The following ADGRL2 variants were observed in gnomAD, a reference collection of about 807,000 sequenced individuals.
The protein encoded by ADGRL2 is adhesion G protein-coupled receptor L2.
A neutral mutation model predicts 157.4 loss-of-function variants in ADGRL2; 44 were observed. That is an observed-to-expected ratio of 0.28 (90% CI 0.22 to 0.36). The LOEUF is 0.36. ADGRL2 is among the 10% of genes least tolerant of loss of function. The pLI, the probability that ADGRL2 is intolerant of heterozygous loss-of-function variation, is 1.00. For synonymous variants in ADGRL2, 585 were observed against 624.7 expected (o/e 0.94, Z 0.95); for missense variants, 1,510 against 1,768.9 (o/e 0.85, Z 2.63).
chr1:81,532,068 T>C (rs552934395), intron 2 of ADGRL2, among the ~76,000 whole-genome samples: 43 of 152,322 alleles, frequency 2.8e-4, no homozygotes, highest in African/African-American at 1.0e-3. Context: ...ACAAGCTCCA[T>C]GGCTTTAATA....
intron 2 of ADGRL2, among the ~76,000 whole-genome samples, chr1:81,554,322 AC>A (rs1315807508): frequency 6.6e-6 from 1 of 152,052 alleles, no homozygotes; most frequent in Non-Finnish European, 1.5e-5. Flanking sequence ...TCCTGGTTTC[AC>A]CCCAGTCTCA....
At chr1:81,823,149 T>G (rs2091152928) in intron 1 of ADGRL2, among the ~76,000 whole-genome samples, 14 of 152,014 alleles carry the variant, frequency 9.2e-5, no homozygotes, top group Admixed American at 9.2e-4. Context: ...AATTTAACTT[T>G]CTTACACCAA....
intron 3 of ADGRL2, among the ~76,000 whole-genome samples, chr1:81,668,091 A>AT (rs1164182016): frequency 2.0e-5 from 3 of 152,176 alleles, no homozygotes; most frequent in Admixed American, 2.0e-4. Context: ...GTAGCACCTA[A>AT]TTTATTAGCT....
chr1:81,747,701 T>TAG (rs373036221), intron 1 of ADGRL2, among the ~76,000 whole-genome samples: 185 of 147,352 alleles, frequency 1.3e-3, no homozygotes, highest in Admixed American at 6.8e-4. Flanking sequence ...CCTTTAATGT[T>TAG]TGTGTGTGTG....
At chr1:81,666,148 T>G (rs186352829) in intron 3 of ADGRL2, among the ~76,000 whole-genome samples, 6 of 152,326 alleles carry the variant, frequency 3.9e-5, no homozygotes, top group Admixed American at 2.6e-4. Context: ...AAGGAAATGC[T>G]ACTGCATGTC....
chr1:81,464,492 A>ACTTC (rs1388615565), intron 2 of ADGRL2, among the ~76,000 whole-genome samples: 1 of 152,156 alleles, frequency 6.6e-6, no homozygotes, highest in Non-Finnish European at 1.5e-5. Flanking sequence ...TTATTAATGA[A>ACTTC]CTTCCAGTCG....
intron 1 of ADGRL2, among the ~76,000 whole-genome samples, chr1:81,350,828 C>T (rs1927179): frequency 0.26 from 38,886 of 151,960 alleles, 5,299 homozygotes; most frequent in Middle Eastern, 0.39. Context: ...TGCATGTTGA[C>T]ATTATCGCAA....
At chr1:81,609,952 C>A (rs974151542) in intron 3 of ADGRL2, among the ~76,000 whole-genome samples, 3 of 152,226 alleles carry the variant, frequency 2.0e-5, no homozygotes, top group African/African-American at 7.2e-5. Flanking sequence ...CTGACATTCG[C>A]TATGCTAATT....
intron 1 of ADGRL2, among the ~76,000 whole-genome samples, chr1:81,436,413 A>G (rs1229770915): frequency 1.3e-5 from 2 of 152,172 alleles, no homozygotes; most frequent in Non-Finnish European, 2.9e-5. Context: ...GTTAGTAAAT[A>G]TTAGTTTTCT....
At chr1:81,788,724 T>A (rs940370875) in intron 2 of ADGRL2, among the ~76,000 whole-genome samples, 3 of 150,334 alleles carry the variant, frequency 2.0e-5, no homozygotes, top group Admixed American at 1.3e-4. Flanking sequence ...AAATCCATAT[T>A]TTTTTTTTTG....
At position 81,455,178 on chromosome 1, in the gene ADGRL2, G is replaced by A. The variant is rs182053781; in HGVS notation, c.-248+10089G>A. ...ACTTTGACTCGTTTTATTCTTTCCCGGGTTATTTTGTGAACTTACTCTGTC... is the reference window on the plus strand; with the variant it reads ...ACTTTGACTCGTTTTATTCTTTCCCAGGTTATTTTGTGAACTTACTCTGTC... On this transcript the variant is annotated intron_variant, in intron 2 of 24. Transcript: ENST00000370721. Among the ~76,000 whole-genome samples the A allele has an allele frequency of 3.6e-4, 55 of 152,222 alleles. 1 individual carries two copies. Among genetic ancestry groups the A allele is most frequent in the African/African-American group, 7.9e-4 (33 of 41,540 alleles).
chr1:81,360,997 A>T (rs1420016416), intron 1 of ADGRL2, among the ~76,000 whole-genome samples: 1 of 151,558 alleles, frequency 6.6e-6, no homozygotes, highest in Non-Finnish European at 1.5e-5. Flanking sequence ...ATAAGAGGAA[A>T]CTCCCCTCTC....
At chr1:81,465,363 T>C (rs889216252) in intron 2 of ADGRL2, among the ~76,000 whole-genome samples, 4 of 152,066 alleles carry the variant, frequency 2.6e-5, no homozygotes, top group Non-Finnish European at 4.4e-5. Context: ...TTTGAATATG[T>C]GGCACATGAT....
In ADGRL2 at chr1:81,942,995, G is replaced by A; in HGVS notation, c.436G>A (p.Ala146Thr). ...TTTTGTGTGTCCTGGGACCTTGAAA[G>A]CAATTGTGGACTCACCATGTATATA... is the stretch of plus-strand genomic sequence containing the variant. Reference protein sequence around the residue: ...KVFVCPGTLKAIVDSPCIYEA... With the variant: ...KVFVCPGTLKTIVDSPCIYEA... The change falls in exon 6 of 24, where the codon GCA becomes ACA. Residue 146 changes from alanine (A) to threonine (T), a missense_variant. Coordinates refer to ENST00000686636, the MANE Select transcript of ADGRL2 (RefSeq NM_001366006.2). The A allele has an allele frequency of 1.2e-6, 2 of 1,611,882 alleles. No individual in the cohort carries two copies. Among genetic ancestry groups the A allele is most frequent in the South Asian group, 1.1e-5 (1 of 90,996 alleles).
intron 1 of ADGRL2, among the ~76,000 whole-genome samples, chr1:81,368,317 T>C (rs1329338193): frequency 1.3e-5 from 2 of 152,224 alleles, no homozygotes; most frequent in Non-Finnish European, 2.9e-5. Flanking sequence ...GTTGGCTGCA[T>C]AAATGTCTTC....
At chr1:81,935,773 G>T (rs1486773411) in intron 3 of ADGRL2, among the ~76,000 whole-genome samples, 44 of 149,398 alleles carry the variant, frequency 2.9e-4, no homozygotes, top group Non-Finnish European at 4.5e-5. Flanking sequence ...AATTATAAAA[G>T]AAATAGTTCT....
chr1:81,373,252 T>C (rs187702266), intron 1 of ADGRL2, among the ~76,000 whole-genome samples: 3 of 152,242 alleles, frequency 2.0e-5, no homozygotes, highest in Non-Finnish European at 4.4e-5. Flanking sequence ...AAGATGGAGA[T>C]AATTAATAAC....
chr1:81,783,622 T>C (rs1478550515), intron 2 of ADGRL2, among the ~76,000 whole-genome samples: 3 of 152,106 alleles, frequency 2.0e-5, no homozygotes, highest in Admixed American at 2.0e-4. Context: ...ATTTAAAACA[T>C]TAGAAATACA....
At chr1:81,748,967 C>G (rs1004750206) in intron 1 of ADGRL2, among the ~76,000 whole-genome samples, 1 of 152,096 alleles carries the variant, frequency 6.6e-6, no homozygotes, top group Non-Finnish European at 1.5e-5. Context: ...TGTGCCCGGC[C>G]TCATTCTTAT....
Sources: gnomAD v4.1 joint callset for allele counts (sites outside exome capture counted in the v4.1 genomes callset) on GRCh38, gnomAD v4.1.1 for gene constraint, MANE v1.5 for transcripts, NCBI Gene and HGNC (gene_info 2026-07-23, HGNC 2026-07-21) for gene names.